The following STK32B variants were observed in gnomAD, a reference collection of about 807,000 sequenced individuals.
STK32B encodes serine/threonine-protein kinase 32B.
Under a neutral mutation model 52.6 loss-of-function variants are expected in STK32B, and 43 were observed. That is an observed-to-expected ratio of 0.82 (90% CI 0.64 to 1.05). STK32B has a LOEUF of 1.05. STK32B is among the 50% of genes least tolerant of loss of function. STK32B has a pLI of 0.00. For missense variants in STK32B, 621 were observed against 534.6 expected (o/e 1.16, Z -1.59); for synonymous variants, 238 against 204.3 (o/e 1.17, Z -1.41).
At chr4:5,244,582 T>A (rs1444399822) in intron 3 of STK32B, among the ~76,000 whole-genome samples, 2 of 152,246 alleles carry the variant, frequency 1.3e-5, no homozygotes, top group African/African-American at 4.8e-5. Context: ...TTCCTTCAGT[T>A]CTGCTCTGAT....
At chr4:5,266,701 G>C (rs2108851288) in intron 3 of STK32B, among the ~76,000 whole-genome samples, 1 of 152,244 alleles carries the variant, frequency 6.6e-6, no homozygotes, top group South Asian at 2.1e-4. Flanking sequence ...ACTGAGTATG[G>C]GATGGGAATC....
intron 2 of STK32B, among the ~76,000 whole-genome samples, chr4:5,164,337 T>G (rs769710752): frequency 9.2e-5 from 14 of 152,160 alleles, no homozygotes; most frequent in Non-Finnish European, 5.9e-5. Flanking sequence ...CGTCCTCACA[T>G]AGCCTTCCGC....
Position 5,118,454 on chromosome 4 carries a change from G to A in STK32B, c.53-21451G>A, listed in dbSNP as rs140396999. 3.0e-3 allele frequency among the ~76,000 whole-genome samples: 453 copies of A among 152,190 alleles called. 2 individuals carry two copies. Among genetic ancestry groups the A allele is most frequent in the African/African-American group, 0.01 (428 of 41,514 alleles). On this transcript the variant is annotated intron_variant, in intron 1 of 11. Coordinates refer to ENST00000282908, the MANE Select transcript of STK32B (RefSeq NM_018401.3). ...TTTCAAAAATACCGAACTCACTCCC[G>A]CCCCAGGCCTTTGCCCATGCAGTTT...
intron 3 of STK32B, among the ~76,000 whole-genome samples, chr4:5,327,960 G>T (rs1409916705): frequency 6.6e-6 from 1 of 152,162 alleles, no homozygotes; most frequent in African/African-American, 2.4e-5. Context: ...TGGGTAACTT[G>T]CTGCAGCTTC....
At position 5,247,027 on chromosome 4, in the gene STK32B, C is replaced by T. The variant is rs184336105; in HGVS notation, c.260+78577C>T. On this transcript the variant is annotated intron_variant, in intron 3 of 11. Coordinates refer to ENST00000282908, the MANE Select transcript of STK32B (RefSeq NM_018401.3). ...TTAGGCTCCTTAGTGGTCAGGGACC[C>T]ACTTGAGGAGGTGGTCTGCCCGTTC... 3.7e-3 allele frequency among the ~76,000 whole-genome samples: 568 copies of T among 152,310 alleles called. 3 individuals carry two copies. Among genetic ancestry groups the T allele is most frequent in the African/African-American group, 0.013 (536 of 41,578 alleles).
intron 3 of STK32B, among the ~76,000 whole-genome samples, chr4:5,267,643 T>C (rs1189883947): frequency 6.6e-6 from 1 of 152,130 alleles, no homozygotes; most frequent in Non-Finnish European, 1.5e-5. Flanking sequence ...AAATCAAGTT[T>C]ATTCATATAT....
intron 3 of STK32B, among the ~76,000 whole-genome samples, chr4:5,311,393 A>G (rs565046702): frequency 6.6e-6 from 1 of 152,312 alleles, no homozygotes; most frequent in African/African-American, 2.4e-5. Context: ...AATTAAAAAG[A>G]GCAAAATAAA....
chr4:5,408,224 G>A (rs986912937), intron 5 of STK32B, among the ~76,000 whole-genome samples: 4 of 152,156 alleles, frequency 2.6e-5, no homozygotes, highest in African/African-American at 9.7e-5. Flanking sequence ...TTGGATCTGT[G>A]TCTTCCCCCA....
chr4:5,490,818 G>A (rs1012557142), intron 11 of STK32B, among the ~76,000 whole-genome samples: 5 of 152,068 alleles, frequency 3.3e-5, no homozygotes, highest in African/African-American at 7.2e-5. Flanking sequence ...GTGAGAATAT[G>A]CGGTGTTTGG....
rs116741369 is a variant in STK32B, at chr4:5,347,055, A to G, written c.434+15662A>G. Reference sequence around the variant, plus strand: ...CCCTGTGATCTGGTCACCTCCCACTAGGTCCCTCCCTATACATGTGGGGAT... The same window carrying G: ...CCCTGTGATCTGGTCACCTCCCACTGGGTCCCTCCCTATACATGTGGGGAT... On this transcript the variant is annotated intron_variant, in intron 4 of 11. Coordinates refer to ENST00000282908, the MANE Select transcript of STK32B (RefSeq NM_018401.3). Among the ~76,000 whole-genome samples the G allele has an allele frequency of 6.8e-3, 1,034 of 152,326 alleles. 10 individuals are homozygous for G. The highest frequency in any genetic ancestry group is 0.022 in the African/African-American group (931 of 41,564).
At chr4:5,495,942 G>T (rs1447538774) in intron 11 of STK32B, among the ~76,000 whole-genome samples, 1 of 152,170 alleles carries the variant, frequency 6.6e-6, no homozygotes, top group Non-Finnish European at 1.5e-5. Flanking sequence ...TGGAAATTTT[G>T]TCTCAGTGGA....
intron 11 of STK32B, 104 bp downstream of exon 11, chr4:5,468,174 A>G (rs73212749): frequency 0.035 from 41,396 of 1,193,622 alleles, 858 homozygotes; most frequent in East Asian, 0.063. Flanking sequence ...CCTTGACGAC[A>G]AAAGGGAAGG....
chr4:5,407,973 C>T (rs540254907), intron 5 of STK32B, among the ~76,000 whole-genome samples: 49 of 152,214 alleles, frequency 3.2e-4, no homozygotes, highest in African/African-American at 1.1e-3. Flanking sequence ...TCACCCTTTC[C>T]ACCATGTGAG....
intron 3 of STK32B, among the ~76,000 whole-genome samples, chr4:5,175,417 T>C (rs988839597): frequency 1.3e-5 from 2 of 152,262 alleles, no homozygotes; most frequent in Non-Finnish European, 2.9e-5. Context: ...CTCTGTTTTT[T>C]CCTCATCTTT....
chr4:5,333,550 C>G (rs1732418690), intron 4 of STK32B, among the ~76,000 whole-genome samples: 1 of 152,104 alleles, frequency 6.6e-6, no homozygotes, highest in African/African-American at 2.4e-5. Flanking sequence ...AAGTCCTTGC[C>G]CATGCCTATG....
chr4:5,205,850 A>G (rs1458851542), intron 3 of STK32B, among the ~76,000 whole-genome samples: 1 of 152,026 alleles, frequency 6.6e-6, no homozygotes, highest in Non-Finnish European at 1.5e-5. Context: ...ACCGATTCTC[A>G]TCTCCCATCC....
rs201376764 is a variant in STK32B, at chr4:5,182,484, CAG to C, written c.260+14037_260+14038del. Among the ~76,000 whole-genome samples, 1,165 of 151,610 alleles carry C rather than the reference CAG, an allele frequency of 7.7e-3. 15 individuals are homozygous for C. Among genetic ancestry groups the C allele is most frequent in the African/African-American group, 0.026 (1,086 of 41,280 alleles). On this transcript the variant is annotated intron_variant, in intron 3 of 11. Coordinates refer to ENST00000282908, the MANE Select transcript of STK32B (RefSeq NM_018401.3). ...TTTCCTTTTTTTTTGTTTTTTGAGA[CAG>C]AGTCTCGCACTGTTGCCCAGGGTGG...
At chr4:5,385,946 C>T (rs1264687801) in intron 4 of STK32B, among the ~76,000 whole-genome samples, 4 of 71,328 alleles carry the variant, frequency 5.6e-5, no homozygotes. Flanking sequence ...AGCCCCCACT[C>T]ACAGCTCCAC....
At chr4:5,091,830 A>G (rs559798257) in intron 1 of STK32B, among the ~76,000 whole-genome samples, 1 of 152,372 alleles carries the variant, frequency 6.6e-6, no homozygotes, top group African/African-American at 2.4e-5. Flanking sequence ...ATGGATAAAC[A>G]TAATGTGGTG....
Sources: gnomAD v4.1 joint callset for allele counts (sites outside exome capture counted in the v4.1 genomes callset) on GRCh38, gnomAD v4.1.1 for gene constraint, MANE v1.5 for transcripts, NCBI Gene and HGNC (gene_info 2026-07-23, HGNC 2026-07-21) for gene names.